PTPRN2: variants seen among roughly 807,000 people sequenced by gnomAD.
The protein encoded by PTPRN2 is receptor-type tyrosine-protein phosphatase N2.
PTPRN2 carries 74 observed loss-of-function variants against 118.8 expected under a neutral mutation model. The ratio of observed to expected loss-of-function variants is 0.62; its 90% CI spans 0.52 to 0.76. The LOEUF is 0.76. Ranked by LOEUF, PTPRN2 falls within the 30% of genes least tolerant of loss-of-function variation. The probability of loss-of-function intolerance (pLI) is 0.00; values close to 1 mark genes in which losing one functional copy is unlikely to be tolerated. For missense variants in PTPRN2, 1,481 were observed against 1,394.4 expected (o/e 1.06, Z -0.99); for synonymous variants, 641 against 608.0 (o/e 1.05, Z -0.80).
intron 2 of PTPRN2, among the ~76,000 whole-genome samples, chr7:158,372,877 G>C (rs1051467964): frequency 6.6e-5 from 10 of 152,194 alleles, no homozygotes; most frequent in African/African-American, 2.4e-4. Context: ...CTGTGATTCA[G>C]CACCCAGGGT....
At chr7:158,116,955 G>A (rs2150383300) in intron 9 of PTPRN2, among the ~76,000 whole-genome samples, 1 of 152,220 alleles carries the variant, frequency 6.6e-6, no homozygotes, top group South Asian at 2.1e-4. Flanking sequence ...GCAAACCTAT[G>A]GAGAGACAAT....
intron 13 of PTPRN2, among the ~76,000 whole-genome samples, chr7:157,668,967 A>G (rs75747065): frequency 6.6e-6 from 1 of 152,240 alleles, no homozygotes. Flanking sequence ...CATAAAACTC[A>G]GAGGGACTCA....
At chr7:158,500,983 G>A (rs956832037) in intron 1 of PTPRN2, among the ~76,000 whole-genome samples, 1 of 152,260 alleles carries the variant, frequency 6.6e-6, no homozygotes, top group Admixed American at 6.5e-5. Flanking sequence ...TCCGGGCCAC[G>A]TCCGCTGGGA....
At chr7:158,098,795 G>A (rs78534377) in intron 10 of PTPRN2, among the ~76,000 whole-genome samples, 1,722 of 152,150 alleles carry the variant, frequency 0.011, 73 homozygotes, top group East Asian at 0.091. Flanking sequence ...CGTGACCACC[G>A]AGGAGCTGGG....
chr7:158,055,416 G>A (rs1165693018), intron 11 of PTPRN2, among the ~76,000 whole-genome samples: 2 of 152,118 alleles, frequency 1.3e-5, no homozygotes, highest in Admixed American at 1.3e-4. Context: ...ACCAGGAAAG[G>A]GAGTCTCCCT....
chr7:157,789,515 C>A (rs552069462), intron 12 of PTPRN2, among the ~76,000 whole-genome samples: 1 of 152,224 alleles, frequency 6.6e-6, no homozygotes, highest in Non-Finnish European at 1.5e-5. Context: ...AGAAAAGGGG[C>A]GGCCTGGGCT....
intron 12 of PTPRN2, among the ~76,000 whole-genome samples, chr7:157,851,917 G>A (rs1486989337): frequency 1.3e-5 from 2 of 152,234 alleles, no homozygotes; most frequent in Non-Finnish European, 2.9e-5. Context: ...GCTCACTTGT[G>A]CCTCCGCCCA....
chr7:158,328,831 G>C (rs978147530), intron 2 of PTPRN2, among the ~76,000 whole-genome samples: 3 of 150,264 alleles, frequency 2.0e-5, no homozygotes, highest in African/African-American at 7.4e-5. Flanking sequence ...AGGGAGGCCT[G>C]GGACAGTAAA....
In PTPRN2 at chr7:158,525,272, TG is replaced by T. The variant is rs1824683944; in HGVS notation, c.113-35488del. 1.3e-5 allele frequency among the ~76,000 whole-genome samples: 2 copies of T among 152,146 alleles called. No homozygotes were observed. The highest frequency in any genetic ancestry group is 4.8e-5 in the African/African-American group (2 of 41,424). ...GTGAAAGTTTCTCTATTTTGGAAAC[TG>T]GGCATCTGCCAAGGAGAACACACGG... On this transcript the variant is annotated intron_variant, in intron 1 of 22. Transcript: ENST00000389418. The surrounding 1 kb of genome is among the most constrained non-coding windows in gnomAD (Gnocchi z 4.1).
At position 158,134,187 on chromosome 7, in the gene PTPRN2, A is replaced by G. The variant is rs1429919492; in HGVS notation, c.1174-128T>C. On this transcript the variant is annotated intron_variant, in intron 8 of 22. Transcript: ENST00000389418. ...GGGCAGCCTGGAAGGAGAGTGTGGGAGGAAGGCGAAGTGTGTGCAGTCTAT... is the reference window on the plus strand; with the variant it reads ...GGGCAGCCTGGAAGGAGAGTGTGGGGGGAAGGCGAAGTGTGTGCAGTCTAT... The G allele has an allele frequency of 7.5e-6, 8 of 1,062,460 alleles. No individual in the cohort carries two copies. In the Admixed American group the frequency reaches 2.1e-4, roughly 28 times the overall value. 65.8% of individuals were successfully genotyped at this position (1,062,460 alleles called of 1,614,324 possible).
intron 11 of PTPRN2, among the ~76,000 whole-genome samples, chr7:157,975,701 G>C (rs763278590): frequency 5.9e-4 from 90 of 152,064 alleles, no homozygotes; most frequent in Non-Finnish European, 1.1e-3. Context: ...TCCGTGTCTG[G>C]TATTCATGTT....
chr7:157,633,144 CTTT>C (rs113679613), intron 14 of PTPRN2, among the ~76,000 whole-genome samples: 2 of 142,100 alleles, frequency 1.4e-5, no homozygotes, highest in Admixed American at 7.0e-5. Flanking sequence ...CTTTTCTTTT[CTTT>C]TTTTTTTTTT....
rs1208237203 is a variant in PTPRN2 at position 157,632,380 on chromosome 7, T to TTGA, written c.2197-10874_2197-10872dup. ...CACATTTACAGAAAAATATGACAAT[T>TTGA]TGATAAAGACTTAACAACAAAAACC... On this transcript the variant is annotated intron_variant, in intron 14 of 22. Coordinates refer to ENST00000389418, the MANE Select transcript of PTPRN2 (RefSeq NM_002847.5). The surrounding 1 kb of genome is among the most constrained non-coding windows in gnomAD (Gnocchi z 4.3). Among the ~76,000 whole-genome samples the TTGA allele has an allele frequency of 6.6e-6, 1 of 152,198 alleles. No homozygotes were observed. Among genetic ancestry groups the TTGA allele is most frequent in the Admixed American group, 6.5e-5 (1 of 15,280 alleles).
chr7:158,387,426 AGATGGT>A (rs968101880), intron 2 of PTPRN2, among the ~76,000 whole-genome samples: 3 of 9,022 alleles, frequency 3.3e-4, no homozygotes, highest in African/African-American at 9.4e-4. Flanking sequence ...GCTGGAAGGC[AGATGGT>A]GACCACAAAG....
At chr7:158,227,634 T>C (rs980832413) in intron 3 of PTPRN2, among the ~76,000 whole-genome samples, 1 of 152,190 alleles carries the variant, frequency 6.6e-6, no homozygotes, top group African/African-American at 2.4e-5. Context: ...TAATCAGCAG[T>C]AAACTCATGC....
chr7:157,921,108 C>T (rs1002976406), intron 11 of PTPRN2, among the ~76,000 whole-genome samples: 2 of 152,128 alleles, frequency 1.3e-5, no homozygotes, highest in Non-Finnish European at 2.9e-5. Flanking sequence ...ATGGATCAAC[C>T]GTGGTGTATC....
At chr7:157,946,413 C>T (rs1800491384) in intron 11 of PTPRN2, among the ~76,000 whole-genome samples, 1 of 152,182 alleles carries the variant, frequency 6.6e-6, no homozygotes, top group South Asian at 2.1e-4. Context: ...GTTATTTGTT[C>T]ACACCATTTC....
At chr7:158,038,226 C>T (rs1808215438) in intron 11 of PTPRN2, among the ~76,000 whole-genome samples, 1 of 152,130 alleles carries the variant, frequency 6.6e-6, no homozygotes, top group African/African-American at 2.4e-5. Flanking sequence ...TGGAATAAAA[C>T]TGAGGAGGGA....
chr7:158,579,918 A>T (rs540030145), intron 1 of PTPRN2, among the ~76,000 whole-genome samples: 1 of 152,394 alleles, frequency 6.6e-6, no homozygotes, highest in East Asian at 1.9e-4. Flanking sequence ...TTCCCACAGC[A>T]GCTCTAACCA....
Sources: allele counts gnomAD v4.1 joint callset (sites outside exome capture counted in the v4.1 genomes callset), GRCh38; gene constraint gnomAD v4.1.1; non-coding constraint Gnocchi (gnomAD v3.1); transcripts MANE v1.5; gene names NCBI Gene and HGNC (gene_info 2026-07-23, HGNC 2026-07-21).